Variants in SLIT3 observed in about 807,000 individuals in gnomAD.
SLIT3 encodes the protein slit guidance ligand 3.
SLIT3 carries 68 observed loss-of-function variants against 184.0 expected under a neutral mutation model. The ratio of observed to expected loss-of-function variants is 0.37; its 90% CI spans 0.30 to 0.45. The LOEUF (loss-of-function observed/expected upper bound fraction) is 0.45, where lower values mean the gene tolerates loss of function less well. Among genes scored for constraint, SLIT3 ranks in the 20% least tolerant of loss-of-function variants. The pLI is 1.00. For missense variants in SLIT3, 1,707 were observed against 2,026.0 expected (o/e 0.84, Z 3.02); for synonymous variants, 831 against 828.6 (o/e 1.00, Z -0.05).
intron 1 of SLIT3, among the ~76,000 whole-genome samples, chr5:169,289,671 A>T (rs1434818878): frequency 6.6e-6 from 1 of 152,252 alleles, no homozygotes; most frequent in Non-Finnish European, 1.5e-5. Context: ...TGATGGTGAC[A>T]GTCCAAATTC....
chr5:168,768,137 G>A (rs529680281), intron 14 of SLIT3: 10 of 504,198 alleles, frequency 2.0e-5, no homozygotes, highest in East Asian at 1.1e-4. Flanking sequence ...CGGCGGTGGC[G>A]GGCCATGCTG....
At chr5:168,937,556 G>T (rs997424173) in intron 4 of SLIT3, among the ~76,000 whole-genome samples, 6 of 152,136 alleles carry the variant, frequency 3.9e-5, no homozygotes, top group Non-Finnish European at 5.9e-5. Context: ...GTTGGGGTAA[G>T]GGGGAGTTGG....
intron 20 of SLIT3, among the ~76,000 whole-genome samples, chr5:168,746,506 TGTGA>T (rs1180388215): frequency 1.7e-5 from 1 of 59,856 alleles, no homozygotes; most frequent in Non-Finnish European, 3.1e-5. Flanking sequence ...GTGTGTGGTG[TGTGA>T]GTGTGGTGGC....
chr5:168,871,246 C>A (rs756733703), intron 5 of SLIT3, among the ~76,000 whole-genome samples: 37 of 152,190 alleles, frequency 2.4e-4, no homozygotes, highest in African/African-American at 6.5e-4. Flanking sequence ...TGGATCCCCT[C>A]AAATAATCCA....
chr5:169,069,713 G>T (rs576100741), intron 4 of SLIT3, among the ~76,000 whole-genome samples: 2 of 152,126 alleles, frequency 1.3e-5, no homozygotes. Context: ...GGTATGAGGA[G>T]AGGAAGTAGG....
chr5:168,894,304 T>C (rs1051582088), intron 4 of SLIT3, among the ~76,000 whole-genome samples: 1 of 152,216 alleles, frequency 6.6e-6, no homozygotes, highest in East Asian at 1.9e-4. Flanking sequence ...ATTAGCTTCG[T>C]GTAGGCAGGA....
intron 27 of SLIT3, among the ~76,000 whole-genome samples, chr5:168,699,300 C>CT (rs1561881136): frequency 1.3e-5 from 2 of 152,236 alleles, no homozygotes; most frequent in Non-Finnish European, 2.9e-5. Flanking sequence ...CCAGACCACA[C>CT]GGCAGCACTG....
chr5:168,809,716 G>C (rs79505842), intron 8 of SLIT3, among the ~76,000 whole-genome samples: 1 of 152,122 alleles, frequency 6.6e-6, no homozygotes, highest in African/African-American at 2.4e-5. Context: ...TACAAAGCAC[G>C]GACCCATAAG....
At chr5:168,999,990 C>A (rs1470043607) in intron 4 of SLIT3, among the ~76,000 whole-genome samples, 3 of 152,170 alleles carry the variant, frequency 2.0e-5, no homozygotes, top group Non-Finnish European at 4.4e-5. Context: ...CCCCATCCTT[C>A]TTAGGAAATA....
At chr5:168,777,064 AAC>A (rs556884651) in intron 12 of SLIT3, among the ~76,000 whole-genome samples, 179 of 65,898 alleles carry the variant, frequency 2.7e-3, no homozygotes, top group South Asian at 9.9e-3. Flanking sequence ...AATTTCATAC[AAC>A]ACACACACAC....
chr5:169,230,328 C>A (rs1355980360), intron 3 of SLIT3, among the ~76,000 whole-genome samples: 1 of 152,146 alleles, frequency 6.6e-6, no homozygotes, highest in Non-Finnish European at 1.5e-5. Flanking sequence ...CTCTAAAGTT[C>A]ATGCTCTGAA....
At chr5:168,836,830 C>T (rs1021121890) in intron 6 of SLIT3, among the ~76,000 whole-genome samples, 1 of 152,170 alleles carries the variant, frequency 6.6e-6, no homozygotes, top group African/African-American at 2.4e-5. Context: ...TACACCAATA[C>T]ATTTTCAACT....
chr5:168,764,516 G>T (rs1755264522), intron 14 of SLIT3, among the ~76,000 whole-genome samples: 1 of 152,164 alleles, frequency 6.6e-6, no homozygotes, highest in Non-Finnish European at 1.5e-5. Context: ...GGTGCAGGTG[G>T]ATTGAATGGG....
At chr5:169,137,660 G>A (rs1761570649) in intron 4 of SLIT3, among the ~76,000 whole-genome samples, 1 of 151,866 alleles carries the variant, frequency 6.6e-6, no homozygotes, top group African/African-American at 2.4e-5. Flanking sequence ...CCTTTAAACT[G>A]CCTCATACGG....
At chr5:168,810,716 G>A (rs184219544) in intron 8 of SLIT3, among the ~76,000 whole-genome samples, 56 of 152,238 alleles carry the variant, frequency 3.7e-4, no homozygotes, top group African/African-American at 1.3e-3. Context: ...TGTCTTTAAG[G>A]CCCCCTGGAC....
At chr5:168,699,382 G>A (rs1158805240) in intron 27 of SLIT3, among the ~76,000 whole-genome samples, 1 of 152,190 alleles carries the variant, frequency 6.6e-6, no homozygotes, top group Non-Finnish European at 1.5e-5. Context: ...TTGGCATGGG[G>A]TGCCCCTGCC....
intron 4 of SLIT3, among the ~76,000 whole-genome samples, chr5:169,077,560 C>CA (rs1440580319): frequency 6.6e-6 from 1 of 151,956 alleles, no homozygotes; most frequent in Non-Finnish European, 1.5e-5. Context: ...AAACAAAAAA[C>CA]AAAAAACAGT....
chr5:168,708,005 A>G lies in SLIT3; in HGVS notation c.2815T>C (p.Tyr939His). The stretch of plus-strand genomic sequence containing the variant: ...TAGCTGTAGGGGCAGGCACAGCGGT[A>G]CAGCTCCACAGGGTCCTGGGTGCAT... ...GTCTQDPVEL[Y>H]RCACPYSYKG... The change falls in exon 26 of 36, where the codon TAC becomes CAC. Residue 939 changes from tyrosine (Y) to histidine (H), a missense_variant. By Grantham distance (83) the Tyr-to-His change is moderately conservative. Coordinates refer to ENST00000519560, the MANE Select transcript of SLIT3 (RefSeq NM_003062.4). 1 of 1,614,200 alleles carries G rather than the reference A, an allele frequency of 6.2e-7. No homozygotes were observed. Among genetic ancestry groups the G allele is most frequent in the Non-Finnish European group, 8.5e-7 (1 of 1,180,028 alleles).
At chr5:168,892,881 T>A (rs1426814361) in intron 4 of SLIT3, among the ~76,000 whole-genome samples, 3 of 152,214 alleles carry the variant, frequency 2.0e-5, no homozygotes, top group African/African-American at 7.2e-5. Flanking sequence ...ACAAGGCAGT[T>A]AGTTACATTA....
Sources: allele counts gnomAD v4.1 joint callset (sites outside exome capture counted in the v4.1 genomes callset), GRCh38; gene constraint gnomAD v4.1.1; transcripts MANE v1.5; gene names NCBI Gene and HGNC (gene_info 2026-07-23, HGNC 2026-07-21).